Variants in CABLES1 observed in about 807,000 individuals in gnomAD.
CABLES1 encodes the protein CDK5 and ABL1 enzyme substrate 1.
CABLES1 carries 36 observed loss-of-function variants against 57.8 expected under a neutral mutation model. The ratio of observed to expected loss-of-function variants is 0.62; its 90% confidence interval spans 0.48 to 0.82. The LOEUF (loss-of-function observed/expected upper bound fraction) is 0.82, where lower values mean the gene tolerates loss of function less well. Ranked by LOEUF, CABLES1 falls within the 40% of genes least tolerant of loss-of-function variation. The pLI, the probability that CABLES1 is intolerant of heterozygous loss-of-function variation, is 0.00. For synonymous variants in CABLES1, 374 were observed against 363.0 expected (o/e 1.03, Z -0.35); for missense variants, 767 against 836.6 (o/e 0.92, Z 1.03).
At chr18:23,134,957 G>A (rs2046806754), upstream of CABLES1, among the ~76,000 whole-genome samples, 1 of 152,000 alleles carries the variant, frequency 6.6e-6, no homozygotes, top group Non-Finnish European at 1.5e-5. Flanking sequence ...GTCTCCATAG[G>A]GGCTGTGGAC....
chr18:23,174,707 C>T (rs1298417954), intron 1 of CABLES1, among the ~76,000 whole-genome samples: 8 of 151,004 alleles, frequency 5.3e-5, no homozygotes, highest in Admixed American at 2.0e-4. Context: ...CTCCTGACCT[C>T]GTAATCCGCC....
chr18:23,239,361 G>A (rs2047679886), intron 7 of CABLES1, among the ~76,000 whole-genome samples: 1 of 152,214 alleles, frequency 6.6e-6, no homozygotes, highest in East Asian at 1.9e-4. Flanking sequence ...TCGGCTCCTG[G>A]AGACCTATGT....
intron 3 of CABLES1, among the ~76,000 whole-genome samples, chr18:23,209,947 G>C (rs755129512): frequency 6.6e-6 from 1 of 152,228 alleles, no homozygotes; most frequent in Non-Finnish European, 1.5e-5. Flanking sequence ...AATTGTGGCT[G>C]TGGAAGCTTT....
At chr18:23,148,290 G>A (rs988196968) in intron 1 of CABLES1, among the ~76,000 whole-genome samples, 7 of 152,050 alleles carry the variant, frequency 4.6e-5, no homozygotes, top group African/African-American at 1.2e-4. Context: ...CGTCTGGCCC[G>A]CTTGGCCCCC....
In CABLES1 at chr18:23,207,407, C is replaced by T. The variant is rs1002945150; in HGVS notation, c.1011-6570C>T. 3.9e-5 allele frequency among the ~76,000 whole-genome samples: 6 copies of T among 152,212 alleles called. No homozygotes were observed. In the South Asian group the frequency reaches 1.0e-3, roughly 26 times the overall value. On this transcript the variant is annotated intron_variant, in intron 3 of 9. Coordinates refer to ENST00000256925, the MANE Select transcript of CABLES1 (RefSeq NM_001100619.3). ...CAACCTTGACTCATGCCAGTTTTCC[C>T]GCCAGCATATCTTCTCACTGTAGAC...
intron 3 of CABLES1, among the ~76,000 whole-genome samples, chr18:23,213,139 G>A (rs1309156231): frequency 3.3e-5 from 5 of 152,142 alleles, no homozygotes; most frequent in African/African-American, 1.2e-4. Context: ...AAACCCTGAT[G>A]CATGTAGTAG....
At chr18:23,202,598 C>T (rs2047333226) in intron 3 of CABLES1, among the ~76,000 whole-genome samples, 1 of 152,170 alleles carries the variant, frequency 6.6e-6, no homozygotes, top group African/African-American at 2.4e-5. Context: ...TTAGATACAC[C>T]CTTGAAGAAG....
At chr18:23,224,882 T>A (rs887466656) in intron 4 of CABLES1, among the ~76,000 whole-genome samples, 3 of 152,086 alleles carry the variant, frequency 2.0e-5, no homozygotes, top group Non-Finnish European at 4.4e-5. Context: ...TTTTTCTTTC[T>A]TTTTGAGAAA....
intron 7 of CABLES1, among the ~76,000 whole-genome samples, chr18:23,246,131 G>C (rs889067782): frequency 1.3e-5 from 2 of 152,058 alleles, no homozygotes; most frequent in African/African-American, 4.8e-5. Context: ...GGGTGTGGTG[G>C]TGCACACCTG....
At chr18:23,219,052 C>G (rs71360513) in intron 4 of CABLES1, 5 of 388,068 alleles carry the variant, frequency 1.3e-5, no homozygotes, top group African/African-American at 6.3e-5. Context: ...TCCCCACCCC[C>G]CCGCAAGTGC....
At chr18:23,184,308 C>CATGT (rs1384619411) in intron 1 of CABLES1, among the ~76,000 whole-genome samples, 27 of 146,424 alleles carry the variant, frequency 1.8e-4, no homozygotes, top group Non-Finnish European at 2.6e-4. Flanking sequence ...CATACTGGCA[C>CATGT]GTGTGTGTGT....
rs547359121 is a variant in CABLES1, at chr18:23,159,442, G to A, written c.845+22835G>A. On this transcript the variant is annotated intron_variant, in intron 1 of 9. Transcript: ENST00000256925. ...GATAATGTAAGCTTGCTGAAGTGCT[G>A]TTGTTAGAAAACTCCTGTTTTCTTG... Among the ~76,000 whole-genome samples, 3 of 152,350 alleles carry A rather than the reference G, an allele frequency of 2.0e-5. No homozygotes were observed. The East Asian group carries it at 5.8e-4, about 29-fold the overall frequency.
chr18:23,235,781 T>G (rs2047602931), intron 5 of CABLES1, 114 bp from the exon 6 acceptor site: 1 of 1,074,826 alleles, frequency 9.3e-7, no homozygotes. Flanking sequence ...ATTTCAGAAT[T>G]GCAAATAGGA....
chr18:23,209,920 T>C (rs1404281857), intron 3 of CABLES1, among the ~76,000 whole-genome samples: 3 of 152,168 alleles, frequency 2.0e-5, no homozygotes, highest in African/African-American at 4.8e-5. Context: ...TTCTGGACAC[T>C]CAGCATCTTG....
chr18:23,155,265 A>T (rs886279750), intron 1 of CABLES1, among the ~76,000 whole-genome samples: 1 of 152,230 alleles, frequency 6.6e-6, no homozygotes, highest in Non-Finnish European at 1.5e-5. Context: ...AAATATTTAC[A>T]TAGGAGTTCA....
At chr18:23,256,989 A>C (rs1370820448) in intron 9 of CABLES1, among the ~76,000 whole-genome samples, 2 of 152,176 alleles carry the variant, frequency 1.3e-5, no homozygotes, top group Non-Finnish European at 2.9e-5. Flanking sequence ...GGATTAAATG[A>C]TGTCATAAGA....
chr18:23,210,098 T>C (rs1432320771), intron 3 of CABLES1, among the ~76,000 whole-genome samples: 1 of 152,212 alleles, frequency 6.6e-6, no homozygotes, highest in African/African-American at 2.4e-5. Flanking sequence ...TCAGGAAGCA[T>C]TGTGTACCCA....
At chr18:23,186,445 G>T (rs568221656) in intron 1 of CABLES1, among the ~76,000 whole-genome samples, 1 of 147,744 alleles carries the variant, frequency 6.8e-6, no homozygotes, top group East Asian at 2.0e-4. Context: ...TTTTCCCCAA[G>T]ACGGAGTTTT....
chr18:23,164,288 G>T (rs565281115), intron 1 of CABLES1, among the ~76,000 whole-genome samples: 5 of 152,336 alleles, frequency 3.3e-5, no homozygotes, highest in African/African-American at 1.2e-4. Context: ...GTCATCCGGA[G>T]CCAGTGTGTT....
Sources: allele counts gnomAD v4.1 joint callset (sites outside exome capture counted in the v4.1 genomes callset), GRCh38; gene constraint gnomAD v4.1.1; transcripts MANE v1.5; gene names NCBI Gene and HGNC (gene_info 2026-07-23, HGNC 2026-07-21).